ITPR3: variants seen among roughly 807,000 people sequenced by gnomAD.
ITPR3 encodes the protein inositol 1,4,5-trisphosphate-gated calcium channel ITPR3.
ITPR3 carries 173 observed loss-of-function variants against 293.2 expected under a neutral mutation model. That is an observed-to-expected ratio of 0.59 (90% CI 0.52 to 0.67). ITPR3 has a LOEUF of 0.67. Among genes scored for constraint, ITPR3 ranks in the 30% least tolerant of loss-of-function variants. The pLI is 0.00. For synonymous variants in ITPR3, 1,295 were observed against 1,444.4 expected (o/e 0.90, Z 2.35); for missense variants, 2,796 against 3,592.1 (o/e 0.78, Z 5.66).
At chr6:33,678,075 C>T (rs1764958044) in intron 28 of ITPR3, among the ~76,000 whole-genome samples, 1 of 152,140 alleles carries the variant, frequency 6.6e-6, no homozygotes, top group South Asian at 2.1e-4. Context: ...TTATGCTGAC[C>T]TGTCCCCAGG....
In ITPR3 at chr6:33,633,810, G is replaced by GGGGGC. The variant is rs1380194699; in HGVS notation, c.90-6665_90-6661dup. On this transcript the variant is annotated intron_variant, in intron 1 of 57. Transcript: ENST00000605930. This position sits in a 1 kb window ranked among gnomAD's most constrained non-coding sequence, Gnocchi z 5.2. ...CGGAGCTCGCGGGCCGGGCCAGGCT[G>GGGGGC]GGGGCGGGGCGGGCGCGGGGCGGGC... Among the ~76,000 whole-genome samples the GGGGGC allele has an allele frequency of 7.1e-6, 1 of 141,634 alleles. No individual in the cohort carries two copies. The highest frequency in any genetic ancestry group is 2.6e-5 in the African/African-American group (1 of 38,924). 92.9% of individuals were successfully genotyped at this position (141,634 alleles called of 152,430 possible).
rs1403837745 is a variant in ITPR3 at position 33,667,932 on chromosome 6, C to T, written c.1854C>T (p.Phe618=). Residue 618 remains phenylalanine, a synonymous_variant, in exon 16 of 58, where the codon TTC becomes TTT. Transcript: ENST00000605930. This position sits in a 1 kb window ranked among gnomAD's most constrained non-coding sequence, Gnocchi z 4.4. ...KHITKTEVET[F]VSLVRKNREP... is the part of the protein sequence containing the mutation. The stretch of plus-strand genomic sequence containing the variant: ...TCACCAAGACCGAGGTGGAGACCTT[C>T]GTCAGCCTTGTGCGCAAGAACCGGG... 3 of 1,614,248 alleles carry T rather than the reference C, an allele frequency of 1.9e-6. No individual in the cohort carries two copies. Among genetic ancestry groups the T allele is most frequent in the South Asian group, 2.2e-5 (2 of 91,090 alleles).
chr6:33,690,433 C>G (rs1034379531), intron 51 of ITPR3, among the ~76,000 whole-genome samples: 1 of 152,178 alleles, frequency 6.6e-6, no homozygotes, highest in Non-Finnish European at 1.5e-5. Flanking sequence ...GTGGTTCAAG[C>G]CTGGACTCTG....
chr6:33,663,006 G>A lies in ITPR3; in HGVS notation c.954G>A (p.Glu318=), dbSNP rs778240357. 4 of 1,593,500 alleles carry A rather than the reference G, an allele frequency of 2.5e-6. No homozygotes were observed. The highest frequency in any genetic ancestry group is 2.3e-5 in the East Asian group (1 of 44,144). The stretch of plus-strand genomic sequence containing the variant: ...CTACAGGCAACTACCTGGCTGCTGA[G>A]GTGAGCGGGAGGTAGAGGGCATGCT... The part of the protein sequence containing the change: ...HLATGNYLAA[E]ENPSYKGDAS... Residue 318 remains glutamate (E), a splice_region_variant and synonymous_variant, in exon 9 of 58, where the codon GAG becomes GAA. Coordinates refer to ENST00000605930, the MANE Select transcript of ITPR3 (RefSeq NM_002224.4).
chr6:33,681,684 G>A (rs73743304), intron 33 of ITPR3, among the ~76,000 whole-genome samples: 7,112 of 152,238 alleles, frequency 0.047, 200 homozygotes, highest in Non-Finnish European at 0.051. Context: ...GCTGGGGTGG[G>A]GTGGGATCGT....
chr6:33,686,606 G>A (rs1474475403), intron 43 of ITPR3, 87 bp downstream of exon 43: 2 of 998,600 alleles, frequency 2.0e-6, no homozygotes, highest in Non-Finnish European at 3.2e-6. Flanking sequence ...AGTGTACATA[G>A]TGGTGTGTAA....
Position 33,621,721 on chromosome 6 carries a change from G to T in ITPR3, c.89+30G>T. On this transcript the variant is annotated intron_variant, in intron 1 of 57. Coordinates refer to ENST00000605930, the MANE Select transcript of ITPR3 (RefSeq NM_002224.4). This position sits in a 1 kb window ranked among gnomAD's most constrained non-coding sequence, Gnocchi z 7.7. Reference sequence around the variant, plus strand: ...GTGAGCCGAGCTCGAGAGGGGCGCGGGTAAAGAGGGGGCGCCGTGGGCCCT... The same window carrying T: ...GTGAGCCGAGCTCGAGAGGGGCGCGTGTAAAGAGGGGGCGCCGTGGGCCCT... The T allele has an allele frequency of 6.5e-7, 1 of 1,541,408 alleles. No individual in the cohort carries two copies. The highest frequency in any genetic ancestry group is 8.8e-7 in the Non-Finnish European group (1 of 1,130,398).
intron 2 of ITPR3, among the ~76,000 whole-genome samples, chr6:33,645,590 G>A (rs9394158): frequency 6.6e-6 from 1 of 151,928 alleles, no homozygotes; most frequent in Non-Finnish European, 1.5e-5. Context: ...TGTTCTGAGT[G>A]GGGGGATTAC....
chr6:33,640,580 C>T (rs371163181), intron 2 of ITPR3, 26 bp downstream of exon 2: 38 of 1,581,702 alleles, frequency 2.4e-5, no homozygotes, highest in East Asian at 1.6e-4. Context: ...CCTCTGCCCC[C>T]GCCCCTCCCA....
chr6:33,630,900 TGTAGAG>T (rs1763663146), intron 1 of ITPR3, among the ~76,000 whole-genome samples: 1 of 152,250 alleles, frequency 6.6e-6, no homozygotes, highest in Admixed American at 6.5e-5. Context: ...GGTAAAGATA[TGTAGAG>T]GTAAAGGAAA....
At position 33,644,191 on chromosome 6, in the gene ITPR3, G is replaced by T. The variant is rs200190870; in HGVS notation, c.160+3637G>T. Among the ~76,000 whole-genome samples, 3 of 73,214 alleles carry T rather than the reference G, an allele frequency of 4.1e-5. No homozygotes were observed. In the East Asian group the frequency reaches 2.0e-3, roughly 50 times the overall value. 48.0% of individuals were successfully genotyped at this position (73,214 alleles called of 152,430 possible). A position where few individuals can be genotyped will look rare whatever the true frequency, so the allele number is the denominator to read the frequency against. ...GGTGACAGAGCAAGACTCTGTCTCAGGGGAAAAAAAGAAAGAGAAAAGTGA... is the reference window on the plus strand; with the variant it reads ...GGTGACAGAGCAAGACTCTGTCTCATGGGAAAAAAAGAAAGAGAAAAGTGA... On this transcript the variant is annotated intron_variant, in intron 2 of 57. Transcript: ENST00000605930.
At chr6:33,669,245 C>T (rs1428003537) in intron 18 of ITPR3, 89 bp downstream of exon 18, 14 of 1,356,254 alleles carry the variant, frequency 1.0e-5, no homozygotes, top group Non-Finnish European at 1.4e-5. Context: ...AGGATGAGCT[C>T]TGACAGCCTC....
At chr6:33,649,463 G>A (rs1764140113) in intron 2 of ITPR3, among the ~76,000 whole-genome samples, 1 of 152,176 alleles carries the variant, frequency 6.6e-6, no homozygotes, top group Non-Finnish European at 1.5e-5. Context: ...GACCTCAGGT[G>A]ATCCGCCTGC....
intron 56 of ITPR3, among the ~76,000 whole-genome samples, chr6:33,694,137 G>A (rs547624083): frequency 3.3e-5 from 5 of 152,292 alleles, no homozygotes; most frequent in African/African-American, 1.2e-4. Context: ...TTTCTAGCTC[G>A]GTGGGAAGGC....
Position 33,663,859 on chromosome 6 carries a change from A to C in ITPR3, c.1127A>C (p.Lys376Thr). The change falls in exon 11 of 58, where the codon AAA becomes ACA. Residue 376 changes from lysine to threonine, a missense_variant. Around this residue, in one of 8 missense-constraint regions of ITPR3, gnomAD observed 955 missense variants for 1,180.8 expected, o/e 0.81. Transcript: ENST00000605930. Reference protein sequence around the residue: ...LFELDPTTLQKTDSFVPRNSY... With the variant: ...LFELDPTTLQTTDSFVPRNSY... ...GAGCTGGACCCCACCACCTTGCAGA[A>C]AACCGACTCTTTCGTGCCCCGGTGG... The C allele has an allele frequency of 1.2e-6, 2 of 1,614,118 alleles. No homozygotes were observed. Among genetic ancestry groups the C allele is most frequent in the East Asian group, 4.5e-5 (2 of 44,876 alleles).
At chr6:33,662,153 C>T (rs1190165815) in intron 7 of ITPR3, among the ~76,000 whole-genome samples, 1 of 151,950 alleles carries the variant, frequency 6.6e-6, no homozygotes, top group African/African-American at 2.4e-5. Flanking sequence ...AGAGGGGCAG[C>T]CATGGCCCCG....
At position 33,687,396 on chromosome 6, in the gene ITPR3, TC is replaced by T; in HGVS notation, c.6177+74del. 1 of 1,455,452 alleles carries T rather than the reference TC, an allele frequency of 6.9e-7. No individual in the cohort carries two copies. The highest frequency in any genetic ancestry group is 9.5e-7 in the Non-Finnish European group (1 of 1,056,130). The allele number at this position is 1,455,452 out of a possible 1,614,324, so 90.2% of individuals were successfully genotyped here. ...CCATACCCCGCCCCAGCTGCCATCA[TC>T]CCCCAGTCGCCATTGTCGCCCCCCA... On this transcript the variant is annotated intron_variant, in intron 45 of 57. Transcript: ENST00000605930. The surrounding 1 kb of genome is among the most constrained non-coding windows in gnomAD (Gnocchi z 5.3).
At chr6:33,648,470 C>T (rs1764117816) in intron 2 of ITPR3, among the ~76,000 whole-genome samples, 1 of 152,114 alleles carries the variant, frequency 6.6e-6, no homozygotes, top group South Asian at 2.1e-4. Context: ...CCTCATCCTC[C>T]CAACAGCATC....
Position 33,683,481 on chromosome 6 carries a change from G to C in ITPR3, c.4788+84G>C. ...CCCTACTTTGGAGGGGCAAGTTCTC[G>C]GGGAGTGTTTCTTCCTGTCCTGCCC... On this transcript the variant is annotated intron_variant, in intron 35 of 57. Coordinates refer to ENST00000605930, the MANE Select transcript of ITPR3 (RefSeq NM_002224.4). This position sits in a 1 kb window ranked among gnomAD's most constrained non-coding sequence, Gnocchi z 4.5. 12 of 1,183,168 alleles carry C rather than the reference G, an allele frequency of 1.0e-5. No individual in the cohort carries two copies. Among genetic ancestry groups the C allele is most frequent in the Admixed American group, 5.7e-5 (2 of 34,878 alleles). 73.3% of individuals were successfully genotyped at this position (1,183,168 alleles called of 1,614,324 possible).
Sources: allele counts gnomAD v4.1 joint callset (sites outside exome capture counted in the v4.1 genomes callset), GRCh38; gene constraint gnomAD v4.1.1; regional missense constraint gnomAD v4.1.1; non-coding constraint Gnocchi (gnomAD v3.1); transcripts MANE v1.5; gene names NCBI Gene and HGNC (gene_info 2026-07-23, HGNC 2026-07-21).